Variants in DGKI observed in about 807,000 individuals in gnomAD.
DGKI encodes the protein DAG kinase iota.
A neutral mutation model predicts 147.5 loss-of-function variants in DGKI; 55 were observed. The ratio of observed to expected loss-of-function variants is 0.37; its 90% CI spans 0.30 to 0.47. DGKI has a LOEUF of 0.47. Ranked by LOEUF, DGKI falls within the 20% of genes least tolerant of loss-of-function variation. The probability of loss-of-function intolerance (pLI) is 1.00; values close to 1 mark genes in which losing one functional copy is unlikely to be tolerated. For synonymous variants in DGKI, 469 were observed against 477.1 expected (o/e 0.98, Z 0.22); for missense variants, 1,007 against 1,323.8 (o/e 0.76, Z 3.71).
intron 1 of DGKI, among the ~76,000 whole-genome samples, chr7:137,838,306 G>T (rs1798446953): frequency 6.6e-6 from 1 of 152,078 alleles, no homozygotes; most frequent in Admixed American, 6.6e-5. Flanking sequence ...CTCTTAAAGA[G>T]AATGCTTTCA....
chr7:137,577,705 C>G (rs955513137), intron 16 of DGKI, among the ~76,000 whole-genome samples: 2 of 152,138 alleles, frequency 1.3e-5, no homozygotes, highest in Non-Finnish European at 2.9e-5. Flanking sequence ...TTAAACTCCT[C>G]CTATCGATTG....
chr7:137,461,202 A>T (rs1211536705), intron 27 of DGKI, among the ~76,000 whole-genome samples: 1 of 152,226 alleles, frequency 6.6e-6, no homozygotes, highest in Non-Finnish European at 1.5e-5. Context: ...CAATGGAAAA[A>T]GCATGGAGTC....
At chr7:137,425,210 G>A (rs113929254) in intron 28 of DGKI, among the ~76,000 whole-genome samples, 1 of 150,734 alleles carries the variant, frequency 6.6e-6, no homozygotes, top group African/African-American at 2.5e-5. Context: ...ACTTCCAGAG[G>A]AAAGATCAGA....
intron 23 of DGKI, among the ~76,000 whole-genome samples, chr7:137,484,105 T>A (rs1397900518): frequency 6.6e-6 from 1 of 151,984 alleles, no homozygotes; most frequent in East Asian, 1.9e-4. Flanking sequence ...GCCAGACAGA[T>A]GGAAGAAAGA....
At chr7:137,638,611 T>C (rs201850881) in intron 6 of DGKI, among the ~76,000 whole-genome samples, 2,303 of 5,152 alleles carry the variant, frequency 0.45, 786 homozygotes, top group Non-Finnish European at 0.67. Flanking sequence ...TGTATATATA[T>C]ACACACACAC....
chr7:137,441,237 G>A (rs1231980066), intron 28 of DGKI, among the ~76,000 whole-genome samples: 4 of 151,752 alleles, frequency 2.6e-5, no homozygotes, highest in Admixed American at 1.3e-4. Flanking sequence ...TGGCTAACAC[G>A]GTGAAACCCC....
chr7:137,846,421 C>T lies in DGKI; in HGVS notation c.401+41G>A, dbSNP rs942727574. On this transcript the variant is annotated intron_variant, in intron 1 of 32. Coordinates refer to ENST00000614521, the MANE Select transcript of DGKI (RefSeq NM_001321708.2). This position sits in a 1 kb window ranked among gnomAD's most constrained non-coding sequence, Gnocchi z 4.0. The stretch of plus-strand genomic sequence containing the variant: ...GCTGGGTAGAAGAGTGGGTCTCCCG[C>T]CGCGGCGCACCTGTCTCGGCTGCCG... 1.1e-5 allele frequency: 17 copies of T among 1,491,726 alleles called. No homozygotes were observed. The highest frequency in any genetic ancestry group is 1.8e-4 in the Middle Eastern group (1 of 5,622). 92.4% of individuals were successfully genotyped at this position (1,491,726 alleles called of 1,614,324 possible). A position where few individuals can be genotyped will look rare whatever the true frequency, so the allele number is the denominator to read the frequency against.
intron 20 of DGKI, among the ~76,000 whole-genome samples, chr7:137,530,933 A>T (rs1171136176): frequency 6.6e-6 from 1 of 152,180 alleles, no homozygotes; most frequent in Non-Finnish European, 1.5e-5. Flanking sequence ...ACTAGATATT[A>T]TTGCAAATTT....
chr7:137,782,422 C>A (rs1434364523), intron 1 of DGKI, among the ~76,000 whole-genome samples: 1 of 152,152 alleles, frequency 6.6e-6, no homozygotes, highest in Non-Finnish European at 1.5e-5. Flanking sequence ...ACACCCCCAT[C>A]CCCCACAGCA....
chr7:137,768,720 C>T (rs1440027861), intron 1 of DGKI, among the ~76,000 whole-genome samples: 2 of 152,174 alleles, frequency 1.3e-5, no homozygotes, highest in Non-Finnish European at 2.9e-5. Context: ...TTCCCCATAT[C>T]CTTGCCTTCC....
At chr7:137,762,169 C>T (rs918365054) in intron 1 of DGKI, among the ~76,000 whole-genome samples, 1 of 152,178 alleles carries the variant, frequency 6.6e-6, no homozygotes, top group East Asian at 1.9e-4. Context: ...CCAGTTCATT[C>T]CCGATATTAA....
chr7:137,619,247 C>T (rs948269577), intron 8 of DGKI, among the ~76,000 whole-genome samples: 1 of 152,188 alleles, frequency 6.6e-6, no homozygotes, highest in African/African-American at 2.4e-5. Context: ...GGTGGATACT[C>T]ACAAGGACAG....
chr7:137,427,540 T>A (rs1190270270), intron 28 of DGKI, among the ~76,000 whole-genome samples: 2 of 151,990 alleles, frequency 1.3e-5, no homozygotes, highest in African/African-American at 4.8e-5. Context: ...AGGCAAGAAA[T>A]AACTAAAATC....
intron 20 of DGKI, among the ~76,000 whole-genome samples, chr7:137,523,158 AG>A (rs1817022948): frequency 6.6e-6 from 1 of 152,000 alleles, no homozygotes; most frequent in Non-Finnish European, 1.5e-5. Flanking sequence ...ACATGAAAGA[AG>A]GGAATACTGT....
intron 14 of DGKI, among the ~76,000 whole-genome samples, chr7:137,584,311 T>C (rs1374762175): frequency 1.3e-5 from 2 of 152,054 alleles, no homozygotes; most frequent in African/African-American, 2.4e-5. Context: ...AATTCAATCA[T>C]AGAAGGAAAA....
chr7:137,844,615 G>A (rs750364388), intron 1 of DGKI, among the ~76,000 whole-genome samples: 3 of 152,162 alleles, frequency 2.0e-5, no homozygotes, highest in Non-Finnish European at 2.9e-5. Flanking sequence ...TAAAGCAGAC[G>A]CAATGTTATT....
chr7:137,531,840 T>G (rs1817349437), intron 20 of DGKI, among the ~76,000 whole-genome samples: 1 of 152,200 alleles, frequency 6.6e-6, no homozygotes, highest in East Asian at 1.9e-4. Context: ...TGGTCTTTCA[T>G]ACCAACCATG....
Position 137,403,263 on chromosome 7 carries a change from G to A in DGKI, c.2920+4612C>T, listed in dbSNP as rs138359745. On this transcript the variant is annotated intron_variant, in intron 30 of 32. Coordinates refer to ENST00000614521, the MANE Select transcript of DGKI (RefSeq NM_001321708.2). The stretch of plus-strand genomic sequence containing the variant: ...TGTCCAAATTCCAGTTTTTCATAAA[G>A]GAAAGCAGCATGCTGTATAGATGAG... Among the ~76,000 whole-genome samples, 290 of 152,272 alleles carry A rather than the reference G, an allele frequency of 1.9e-3. 2 individuals are homozygous for A. The highest frequency in any genetic ancestry group is 6.6e-3 in the African/African-American group (273 of 41,552).
intron 5 of DGKI, among the ~76,000 whole-genome samples, chr7:137,651,010 C>T (rs889304904): frequency 9.9e-5 from 15 of 152,174 alleles, no homozygotes; most frequent in African/African-American, 3.4e-4. Context: ...AGGGGCCAGA[C>T]AATGTGGACC....
Sources: gnomAD v4.1 joint callset for allele counts (sites outside exome capture counted in the v4.1 genomes callset) on GRCh38, gnomAD v4.1.1 for gene constraint, Gnocchi (gnomAD v3.1) non-coding constraint, MANE v1.5 for transcripts, NCBI Gene and HGNC (gene_info 2026-07-23, HGNC 2026-07-21) for gene names.